Variants in BICD1 observed in about 807,000 individuals in gnomAD.
The protein encoded by BICD1 is BICD cargo adaptor 1.
Under a neutral mutation model 92.5 loss-of-function variants are expected in BICD1, and 35 were observed. The observed-to-expected ratio is 0.38, with a 90% CI of 0.29 to 0.50. The LOEUF (loss-of-function observed/expected upper bound fraction) is 0.50, where lower values mean the gene tolerates loss of function less well. Ranked by LOEUF, BICD1 falls within the 20% of genes least tolerant of loss-of-function variation. BICD1 has a pLI of 0.93. For missense variants in BICD1, 950 were observed against 1,189.8 expected (o/e 0.80, Z 2.97); for synonymous variants, 429 against 465.1 (o/e 0.92, Z 1.00).
intron 2 of BICD1, among the ~76,000 whole-genome samples, chr12:32,243,271 T>TTTTTTTTTTTTTTTTG (rs1946284345): frequency 7.5e-6 from 1 of 133,516 alleles, no homozygotes; most frequent in Non-Finnish European, 1.6e-5. Context: ...CTAATTTTTT[T>TTTTTTTTTTTTTTTTG]TTTTTTTTTT....
At chr12:32,166,131 T>TTTAC (rs1363498086) in intron 1 of BICD1, among the ~76,000 whole-genome samples, 1 of 31,630 alleles carries the variant, frequency 3.2e-5, no homozygotes, top group Non-Finnish European at 9.9e-5. Context: ...TATTTATTTA[T>TTTAC]TTATTTATTT....
At chr12:32,247,229 C>A in intron 2 of BICD1, among the ~76,000 whole-genome samples, 1 of 108,546 alleles carries the variant, frequency 9.2e-6, no homozygotes. Flanking sequence ...AGAGCGAGAC[C>A]CTGTATCAAA....
intron 2 of BICD1, among the ~76,000 whole-genome samples, chr12:32,217,370 G>A (rs1263148435): frequency 6.6e-6 from 1 of 152,020 alleles, no homozygotes; most frequent in East Asian, 1.9e-4. Context: ...TATAAGACAA[G>A]CAATCCACAT....
chr12:32,198,326 C>CATATATATATATATA (rs1944789369), intron 1 of BICD1, among the ~76,000 whole-genome samples: 2 of 112,250 alleles, frequency 1.8e-5, no homozygotes, highest in Non-Finnish European at 3.5e-5. Flanking sequence ...TAATATGCAT[C>CATATATATATATATA]TATCTATATA....
intron 3 of BICD1, among the ~76,000 whole-genome samples, chr12:32,295,267 T>C (rs1437468718): frequency 6.6e-6 from 1 of 152,128 alleles, no homozygotes; most frequent in Admixed American, 6.5e-5. Flanking sequence ...ATCTGTAATT[T>C]TAGAAGAATT....
chr12:32,358,765 T>G (rs1002846840), intron 8 of BICD1, among the ~76,000 whole-genome samples: 3 of 152,150 alleles, frequency 2.0e-5, no homozygotes, highest in African/African-American at 7.2e-5. Context: ...AAAGTGACCT[T>G]GCATAAACTT....
chr12:32,321,295 C>T (rs1948650039), intron 4 of BICD1, among the ~76,000 whole-genome samples: 2 of 152,076 alleles, frequency 1.3e-5, no homozygotes, highest in Admixed American at 1.3e-4. Context: ...CACTGCACTC[C>T]AGCCTGGGCG....
rs200355356 is a variant in BICD1, at chr12:32,216,205, G to A, written c.214-42G>A. 239 of 1,581,700 alleles carry A rather than the reference G, an allele frequency of 1.5e-4. No homozygotes were observed. In the African/African-American group the frequency reaches 1.6e-3, roughly 11 times the overall value. ...CCAAGTCTTAAAAGAGGGTTATGATGCATTTCATTGTGTACTCTTTTTCTT... is the reference window on the plus strand; with the variant it reads ...CCAAGTCTTAAAAGAGGGTTATGATACATTTCATTGTGTACTCTTTTTCTT... On this transcript the variant is annotated intron_variant, in intron 1 of 9. Transcript: ENST00000652176.
In BICD1 at chr12:32,284,528, C is replaced by T. The variant is rs548575978; in HGVS notation, c.427-9466C>T. Among the ~76,000 whole-genome samples the T allele has an allele frequency of 5.3e-5, 8 of 152,166 alleles. No homozygotes were observed. The South Asian group carries it at 1.5e-3, about 28-fold the overall frequency. Reference sequence around the variant, plus strand: ...GAGATGTTCCCCGATCTGTCCCCTCCGTATTCTTCATGTCTTCTCTCATGT... The same window carrying T: ...GAGATGTTCCCCGATCTGTCCCCTCTGTATTCTTCATGTCTTCTCTCATGT... On this transcript the variant is annotated intron_variant, in intron 2 of 9. Coordinates refer to ENST00000652176, the MANE Select transcript of BICD1 (RefSeq NM_001714.4).
intron 8 of BICD1, among the ~76,000 whole-genome samples, chr12:32,354,900 T>C (rs1240738619): frequency 1.3e-5 from 2 of 152,196 alleles, no homozygotes; most frequent in Admixed American, 6.5e-5. Context: ...AATTCTCTAC[T>C]CTATATGTGT....
chr12:32,140,083 AG>A (rs1942861683), intron 1 of BICD1, among the ~76,000 whole-genome samples: 2 of 151,998 alleles, frequency 1.3e-5, no homozygotes, highest in South Asian at 4.1e-4. Flanking sequence ...TCCTGTTTTG[AG>A]GGGGCCTCTC....
intron 6 of BICD1, among the ~76,000 whole-genome samples, chr12:32,336,860 G>A (rs1938147813): frequency 2.0e-5 from 3 of 152,104 alleles, no homozygotes; most frequent in South Asian, 4.2e-4. Context: ...ACCTGTAATC[G>A]CAGCACTTTG....
intron 8 of BICD1, among the ~76,000 whole-genome samples, chr12:32,365,997 T>C (rs1417714623): frequency 6.6e-6 from 1 of 152,212 alleles, no homozygotes; most frequent in African/African-American, 2.4e-5. Context: ...CTTGTTCCTA[T>C]TAAGATGCGC....
At chr12:32,172,978 A>C (rs1442210900) in intron 1 of BICD1, among the ~76,000 whole-genome samples, 1 of 152,168 alleles carries the variant, frequency 6.6e-6, no homozygotes, top group Non-Finnish European at 1.5e-5. Flanking sequence ...AAAGTGCCTG[A>C]GTTCACCAGC....
At chr12:32,163,912 T>C (rs1179941763) in intron 1 of BICD1, among the ~76,000 whole-genome samples, 2 of 152,232 alleles carry the variant, frequency 1.3e-5, no homozygotes, top group Admixed American at 6.5e-5. Context: ...AGCTTTGGAC[T>C]AGTCTTTTTC....
intron 2 of BICD1, among the ~76,000 whole-genome samples, chr12:32,244,525 A>G (rs1239227601): frequency 1.3e-5 from 2 of 152,114 alleles, no homozygotes; most frequent in African/African-American, 2.4e-5. Context: ...TTCTATTCCT[A>G]TCAAAAACCC....
chr12:32,142,106 A>G (rs969694062), intron 1 of BICD1, among the ~76,000 whole-genome samples: 1 of 152,142 alleles, frequency 6.6e-6, no homozygotes, highest in African/African-American at 2.4e-5. Context: ...AAGTATGTCA[A>G]CATAAAAGTT....
chr12:32,116,486 CTCTCTT>C lies in BICD1; in HGVS notation c.213+8948_213+8953del, dbSNP rs777476631. ...TGTCTCTCTCTCTCTCTCTCTCTCT[CTCTCTT>C]TCTCTCTCTCTCTCTCTCTATATAT... On this transcript the variant is annotated intron_variant, in intron 1 of 9. Coordinates refer to ENST00000652176, the MANE Select transcript of BICD1 (RefSeq NM_001714.4). 4.6e-3 allele frequency among the ~76,000 whole-genome samples: 544 copies of C among 117,030 alleles called. 2 individuals carry two copies. The highest frequency in any genetic ancestry group is 0.011 in the African/African-American group (327 of 30,744). The allele number at this position is 117,030 out of a possible 152,430, so 76.8% of individuals were successfully genotyped here. A position where few individuals can be genotyped will look rare whatever the true frequency, so the allele number is the denominator to read the frequency against.
rs1376340075 is a variant in BICD1 at position 32,377,844 on chromosome 12, T to C, written c.*217T>C. ...GGTTTCTCTGAGTCACAGATAAACT[T>C]CTGCCATCAAATGGCTACAGTTCAT... On this transcript the variant is annotated 3_prime_UTR_variant, in exon 10 of 10. Coordinates refer to ENST00000652176, the MANE Select transcript of BICD1 (RefSeq NM_001714.4). 4.2e-6 allele frequency: 2 copies of C among 473,326 alleles called. No homozygotes were observed. The highest frequency in any genetic ancestry group is 7.6e-6 in the Non-Finnish European group (2 of 264,822). 29.3% of individuals were successfully genotyped at this position (473,326 alleles called of 1,614,324 possible). A position where few individuals can be genotyped will look rare whatever the true frequency, so the allele number is the denominator to read the frequency against.
Sources: gnomAD v4.1 joint callset for allele counts (sites outside exome capture counted in the v4.1 genomes callset) on GRCh38, gnomAD v4.1.1 for gene constraint, MANE v1.5 for transcripts, NCBI Gene and HGNC (gene_info 2026-07-23, HGNC 2026-07-21) for gene names.